QKI: variants seen among roughly 807,000 people sequenced by gnomAD.
The protein encoded by QKI is QKI, KH domain containing RNA binding.
Under a neutral mutation model 39.0 loss-of-function variants are expected in QKI, and 10 were observed. The ratio of observed to expected loss-of-function variants is 0.26; its 90% CI spans 0.16 to 0.43. QKI has a LOEUF of 0.43. Ranked by LOEUF, QKI falls within the 20% of genes least tolerant of loss-of-function variation. QKI has a pLI of 1.00. For synonymous variants in QKI, 204 were observed against 155.4 expected, an observed-to-expected ratio of 1.31 and a Z score of -2.33; for missense variants, 218 against 428.0, an observed-to-expected ratio of 0.51 and a Z score of 4.33.
Position 163,571,021 on chromosome 6 carries a change from C to CTT in QKI, c.*311_*312insTT, listed in dbSNP as rs890769023. On this transcript the variant is annotated 3_prime_UTR_variant, in exon 8 of 8. Coordinates refer to ENST00000361752, the MANE Select transcript of QKI (RefSeq NM_006775.3). ...CTTTTAATATCCCACCCTAAGCGAA[C>CTT]GGTAAGAAGGCCTCTCTTAAGAAGG... The CTT allele has an allele frequency of 3.1e-4, 69 of 225,604 alleles. No individual in the cohort carries two copies. The highest frequency in any genetic ancestry group is 1.3e-3 in the African/African-American group (59 of 44,032). The allele number at this position is 225,604 out of a possible 1,614,324, so 14.0% of individuals were successfully genotyped here. A position where few individuals can be genotyped will look rare whatever the true frequency, so the allele number is the denominator to read the frequency against.
At chr6:163,457,404 C>T (rs1790999429) in intron 2 of QKI, 1 of 455,870 alleles carries the variant, frequency 2.2e-6, no homozygotes, top group African/African-American at 2.0e-5. Context: ...CCACGGTGAA[C>T]TACTATTACC....
At chr6:163,563,976 A>C (rs1050536492) in intron 6 of QKI, 14 of 1,323,422 alleles carry the variant, frequency 1.1e-5, no homozygotes, top group Non-Finnish European at 1.2e-5. Context: ...CATTTCAACA[A>C]ATACTTTTAC....
At chr6:163,455,527 A>G (rs773733927) in intron 2 of QKI, 106 bp downstream of exon 2, 6 of 1,151,772 alleles carry the variant, frequency 5.2e-6, no homozygotes, top group Admixed American at 2.4e-5. Context: ...CTTTAAAAAA[A>G]TGCAGTCATC....
chr6:163,541,726 A>G (rs1426763905), intron 4 of QKI, among the ~76,000 whole-genome samples: 1 of 151,498 alleles, frequency 6.6e-6, no homozygotes, highest in African/African-American at 2.4e-5. Flanking sequence ...AAAAAGTTTT[A>G]CTCTATTTCA....
intron 3 of QKI, among the ~76,000 whole-genome samples, chr6:163,515,694 G>A (rs539860809): frequency 6.6e-5 from 10 of 152,222 alleles, no homozygotes; most frequent in African/African-American, 2.2e-4. Flanking sequence ...TACATATAAT[G>A]ATATGGCGAT....
At chr6:163,467,606 C>T (rs1459408743) in intron 2 of QKI, among the ~76,000 whole-genome samples, 1 of 152,034 alleles carries the variant, frequency 6.6e-6, no homozygotes, top group African/African-American at 2.4e-5. Context: ...TTATAAAGGC[C>T]TAATATGTGA....
Position 163,498,607 on chromosome 6 carries a change from C to T in QKI, c.402+19711C>T, listed in dbSNP as rs185407321. On this transcript the variant is annotated intron_variant, in intron 3 of 7. Coordinates refer to ENST00000361752, the MANE Select transcript of QKI (RefSeq NM_006775.3). ...GTTCTTATGTCTGTCTCCCTCTTTC[C>T]CTCCTCTCCCCTTTTAAGTTGGAGT... Among the ~76,000 whole-genome samples the T allele has an allele frequency of 1.6e-3, 237 of 152,106 alleles. 2 individuals carry two copies. Among genetic ancestry groups the T allele is most frequent in the African/African-American group, 5.5e-3 (229 of 41,498 alleles).
At chr6:163,534,140 G>A (rs966011180) in intron 3 of QKI, among the ~76,000 whole-genome samples, 3 of 151,942 alleles carry the variant, frequency 2.0e-5, no homozygotes, top group South Asian at 2.1e-4. Context: ...TTAAAACAGC[G>A]ATTCTGAAAT....
At chr6:163,474,999 T>C (rs1792483444) in intron 2 of QKI, among the ~76,000 whole-genome samples, 1 of 152,138 alleles carries the variant, frequency 6.6e-6, no homozygotes, top group African/African-American at 2.4e-5. Context: ...GTCTATATTA[T>C]AATGTGATCT....
At chr6:163,511,718 C>T (rs1779491995) in intron 3 of QKI, among the ~76,000 whole-genome samples, 1 of 151,736 alleles carries the variant, frequency 6.6e-6, no homozygotes, top group Non-Finnish European at 1.5e-5. Flanking sequence ...TCCACCAAGA[C>T]AATGTGAAGC....
intron 1 of QKI, among the ~76,000 whole-genome samples, chr6:163,449,051 T>C (rs1237336862): frequency 6.6e-6 from 1 of 152,162 alleles, no homozygotes; most frequent in Non-Finnish European, 1.5e-5. Context: ...TTAATGAGTA[T>C]TATCTAAATA....
chr6:163,576,461 A>G lies in QKI; in HGVS notation c.*5751A>G, dbSNP rs1247102029. ...GTGGGAAGATCTCAGCTTCCAGGGT[A>G]AAAGTTAATTTATAACTTAAAAGTG... On this transcript the variant is annotated 3_prime_UTR_variant, in exon 8 of 8. Transcript: ENST00000361752. 1 of 152,196 alleles carries G rather than the reference A, an allele frequency of 6.6e-6. No homozygotes were observed. The highest frequency in any genetic ancestry group is 6.5e-5 in the Admixed American group (1 of 15,274). 9.4% of individuals were successfully genotyped at this position (152,196 alleles called of 1,614,324 possible).
rs564064591 is a variant in QKI at position 163,480,364 on chromosome 6, G to A, written c.402+1468G>A. ...GTGGTTAGCTGTGTTAGACCAGTAC[G>A]CTGAATCGCTTTGTGGAACTTACGG... On this transcript the variant is annotated intron_variant, in intron 3 of 7. Transcript: ENST00000361752. Among the ~76,000 whole-genome samples, 4 of 151,982 alleles carry A rather than the reference G, an allele frequency of 2.6e-5. No individual in the cohort carries two copies. The East Asian group carries it at 5.8e-4, about 22-fold the overall frequency.
rs1777703326 is a variant in QKI, at chr6:163,578,447, T to G, written c.*7737T>G. 1.3e-5 allele frequency: 2 copies of G among 152,218 alleles called. No individual in the cohort carries two copies. The highest frequency in any genetic ancestry group is 1.3e-4 in the Admixed American group (2 of 15,288). 9.4% of individuals were successfully genotyped at this position (152,218 alleles called of 1,614,324 possible). On this transcript the variant is annotated 3_prime_UTR_variant, in exon 8 of 8. Transcript: ENST00000361752. The stretch of plus-strand genomic sequence containing the variant: ...TATTACATTCATTGTTTTCAATGAT[T>G]GATTTATAAAATTAAGACATACTGG...
chr6:163,417,851 C>CA (rs2128206217), intron 1 of QKI, among the ~76,000 whole-genome samples: 1 of 152,246 alleles, frequency 6.6e-6, no homozygotes, highest in South Asian at 2.1e-4. Context: ...TGTTTTTTAT[C>CA]AGACCAGTAC....
At chr6:163,485,808 A>G (rs1050998881) in intron 3 of QKI, among the ~76,000 whole-genome samples, 3 of 152,226 alleles carry the variant, frequency 2.0e-5, no homozygotes, top group Non-Finnish European at 4.4e-5. Flanking sequence ...TAGCCATTCC[A>G]GGGCTGCTAA....
At chr6:163,418,322 CA>C (rs1712381272) in intron 1 of QKI, among the ~76,000 whole-genome samples, 1 of 151,916 alleles carries the variant, frequency 6.6e-6, no homozygotes, top group South Asian at 2.1e-4. Context: ...TAAGAATTTC[CA>C]TTTGGCTAGT....
chr6:163,459,610 C>G (rs1210109631), intron 2 of QKI, among the ~76,000 whole-genome samples: 7 of 152,120 alleles, frequency 4.6e-5, no homozygotes, highest in African/African-American at 7.2e-5. Context: ...TGAGCATATG[C>G]TTGCTTTTTA....
At chr6:163,416,948 TTGAG>T (rs1787562841) in intron 1 of QKI, among the ~76,000 whole-genome samples, 1 of 152,054 alleles carries the variant, frequency 6.6e-6, no homozygotes, top group African/African-American at 2.4e-5. Flanking sequence ...AACTCTTAAA[TTGAG>T]TATTTCCAAA....
Sources: allele counts gnomAD v4.1 joint callset (sites outside exome capture counted in the v4.1 genomes callset), GRCh38; gene constraint gnomAD v4.1.1; transcripts MANE v1.5; gene names NCBI Gene and HGNC (gene_info 2026-07-23, HGNC 2026-07-21).